Variants in ABTB3 observed in about 807,000 individuals in gnomAD.
ABTB3 encodes the protein ankyrin repeat and BTB domain containing 3.
chr12:107,626,435 T>C, the ABTB3 span, among the ~76,000 whole-genome samples: 1 of 140,674 alleles, frequency 7.1e-6, no homozygotes, highest in African/African-American at 2.6e-5. Context: ...AAGCTCCACC[T>C]CCCAGGTTCA....
At chr12:107,355,293 G>A in the ABTB3 span, among the ~76,000 whole-genome samples, 14 of 152,312 alleles carry the variant, frequency 9.2e-5, no homozygotes, top group Admixed American at 4.6e-4. Context: ...ATTTCTCTGC[G>A]TCGTGGCTCT....
chr12:107,484,912 G>T, the ABTB3 span, among the ~76,000 whole-genome samples: 1 of 152,124 alleles, frequency 6.6e-6, no homozygotes. Flanking sequence ...AACAGGTTTG[G>T]GGACAGGGCA....
chr12:107,610,446 A>C, the ABTB3 span: 1 of 1,488,786 alleles, frequency 6.7e-7, no homozygotes, highest in South Asian at 1.2e-5. Context: ...TCCCCTCTGC[A>C]GGCGCTGGGC....
chr12:107,437,992 G>T, the ABTB3 span, among the ~76,000 whole-genome samples: 1 of 152,118 alleles, frequency 6.6e-6, no homozygotes, highest in Admixed American at 6.5e-5. Flanking sequence ...GTCTCAACAA[G>T]AGAGACTGAT....
the ABTB3 span, among the ~76,000 whole-genome samples, chr12:107,395,115 T>G: frequency 2.0e-5 from 3 of 152,220 alleles, no homozygotes; most frequent in Non-Finnish European, 2.9e-5. Flanking sequence ...TGTCCTCACC[T>G]GATTGAAGCC....
chr12:107,632,766 C>T, the ABTB3 span, among the ~76,000 whole-genome samples: 1 of 152,198 alleles, frequency 6.6e-6, no homozygotes, highest in Non-Finnish European at 1.5e-5. Context: ...GGAAGAATTG[C>T]TTCCAAGCTC....
At chr12:107,325,076 G>A in the ABTB3 span, among the ~76,000 whole-genome samples, 1 of 152,154 alleles carries the variant, frequency 6.6e-6, no homozygotes, top group African/African-American at 2.4e-5. Flanking sequence ...GATAATAATG[G>A]CTTCCTCAAA....
At chr12:107,624,371 C>T in the ABTB3 span, among the ~76,000 whole-genome samples, 6 of 152,194 alleles carry the variant, frequency 3.9e-5, no homozygotes, top group Admixed American at 6.5e-5. Flanking sequence ...TTTCTCCCAA[C>T]GGCAATATCT....
the ABTB3 span, among the ~76,000 whole-genome samples, chr12:107,428,561 C>T: frequency 6.6e-6 from 1 of 152,332 alleles, no homozygotes; most frequent in Non-Finnish European, 1.5e-5. Context: ...CACAGCCTCT[C>T]AGAGGGTCCC....
chr12:107,388,375 T>G, the ABTB3 span, among the ~76,000 whole-genome samples: 1 of 151,564 alleles, frequency 6.6e-6, no homozygotes, highest in Non-Finnish European at 1.5e-5. Flanking sequence ...TTCTGCCTTC[T>G]ATTCTTTATT....
At chr12:107,406,415 G>A in the ABTB3 span, among the ~76,000 whole-genome samples, 7 of 152,224 alleles carry the variant, frequency 4.6e-5, no homozygotes, top group African/African-American at 1.7e-4. Flanking sequence ...GAGCCACAGA[G>A]TGAAACCCTG....
the ABTB3 span, among the ~76,000 whole-genome samples, chr12:107,577,389 G>A: frequency 6.6e-6 from 1 of 152,064 alleles, no homozygotes; most frequent in African/African-American, 2.4e-5. Context: ...CCCAAACCAG[G>A]CCTTTCTCAC....
At chr12:107,438,522 G>A in the ABTB3 span, among the ~76,000 whole-genome samples, 5 of 152,192 alleles carry the variant, frequency 3.3e-5, no homozygotes, top group African/African-American at 1.2e-4. Flanking sequence ...GTGTGCTGCA[G>A]CCTCAGGAGG....
chr12:107,367,903 A>T, the ABTB3 span, among the ~76,000 whole-genome samples: 2 of 152,202 alleles, frequency 1.3e-5, no homozygotes, highest in African/African-American at 4.8e-5. Context: ...GAACAGGTAC[A>T]TGTCTTTATA....
At chr12:107,491,356 C>T in the ABTB3 span, among the ~76,000 whole-genome samples, 6 of 152,296 alleles carry the variant, frequency 3.9e-5, no homozygotes, top group Non-Finnish European at 7.3e-5. Context: ...TCCTTTTAAA[C>T]GCATTCATTC....
chr12:107,493,057 C>G, the ABTB3 span, among the ~76,000 whole-genome samples: 1 of 150,970 alleles, frequency 6.6e-6, no homozygotes. Flanking sequence ...AACGAAGCTT[C>G]CCCAGGGCCA....
the ABTB3 span, among the ~76,000 whole-genome samples, chr12:107,593,523 A>T: frequency 1.3e-5 from 2 of 152,132 alleles, no homozygotes; most frequent in Admixed American, 1.3e-4. Context: ...TTCATCTTGA[A>T]TCTCCAGCAC....
At chr12:107,541,291 A>G in the ABTB3 span, among the ~76,000 whole-genome samples, 2 of 152,206 alleles carry the variant, frequency 1.3e-5, no homozygotes, top group African/African-American at 4.8e-5. Context: ...GTACAGCAGG[A>G]TGGTGGAGAA....
chr12:107,515,051 T>C, the ABTB3 span, among the ~76,000 whole-genome samples: 6 of 152,128 alleles, frequency 3.9e-5, no homozygotes, highest in Admixed American at 1.3e-4. Flanking sequence ...AGAAGTCCGA[T>C]GAGGAAAACA....
Sources: allele counts gnomAD v4.1 joint callset (sites outside exome capture counted in the v4.1 genomes callset), GRCh38; gene constraint gnomAD v4.1.1; transcripts MANE v1.5; gene names NCBI Gene and HGNC (gene_info 2026-07-23, HGNC 2026-07-21).